The following SLC25A36 variants were observed in gnomAD, a reference collection of about 807,000 sequenced individuals.
SLC25A36 encodes epididymis secretory sperm binding protein.
SLC25A36 carries 24 observed loss-of-function variants against 35.3 expected under a neutral mutation model. The ratio of observed to expected loss-of-function variants is 0.68; its 90% CI spans 0.49 to 0.96. The LOEUF (loss-of-function observed/expected upper bound fraction) is 0.96, where lower values mean the gene tolerates loss of function less well. Among genes scored for constraint, SLC25A36 ranks in the 40% least tolerant of loss-of-function variants. The pLI is 0.00. For missense variants in SLC25A36, 294 were observed against 381.1 expected (o/e 0.77, Z 1.90); for synonymous variants, 141 against 132.2 (o/e 1.07, Z -0.46).
At chr3:140,964,154 C>T (rs1934702895) in intron 4 of SLC25A36, 1 of 151,928 alleles carries the variant, frequency 6.6e-6, no homozygotes, top group South Asian at 2.1e-4. Flanking sequence ...AACTGTTAAA[C>T]ACTTTTGGTT....
chr3:140,967,143 T>C (rs1934778725), intron 4 of SLC25A36: 6 of 444,740 alleles, frequency 1.3e-5, no homozygotes, highest in African/African-American at 1.2e-4. Context: ...TTTTATTTCC[T>C]GAATTTGTGT....
At chr3:140,962,486 C>A (rs988484374) in intron 3 of SLC25A36, among the ~76,000 whole-genome samples, 13 of 152,126 alleles carry the variant, frequency 8.5e-5, no homozygotes, top group African/African-American at 2.9e-4. Context: ...AACATTCTGA[C>A]CTGATGGGTC....
chr3:140,941,886 T>C lies in SLC25A36; in HGVS notation c.-169T>C, dbSNP rs1311722592. On this transcript the variant is annotated 5_prime_UTR_variant, in exon 1 of 7. Transcript: ENST00000324194. Reference sequence around the variant, plus strand: ...TAGGCAGGCGGTGGCGCGGCTGGAGTGCCGCGGGGAGGGCTGTGCCGGTTG... The same window carrying C: ...TAGGCAGGCGGTGGCGCGGCTGGAGCGCCGCGGGGAGGGCTGTGCCGGTTG... The C allele has an allele frequency of 1.4e-5, 7 of 499,792 alleles. No homozygotes were observed. The highest frequency in any genetic ancestry group is 2.5e-5 in the Non-Finnish European group (7 of 278,692). 31.0% of individuals were successfully genotyped at this position (499,792 alleles called of 1,614,324 possible).
intron 4 of SLC25A36, 82 bp from the exon 5 acceptor site, chr3:140,970,845 G>C: frequency 1.5e-6 from 1 of 685,350 alleles, no homozygotes; most frequent in Non-Finnish European, 2.7e-6. Flanking sequence ...CTTGAATGTA[G>C]ATTTATCTAA....
At chr3:140,965,147 C>T (rs964893498) in intron 4 of SLC25A36, 3 of 151,858 alleles carry the variant, frequency 2.0e-5, no homozygotes, top group Admixed American at 6.6e-5. Flanking sequence ...TATTCATGAG[C>T]ATTAACACTT....
At chr3:140,965,473 A>G (rs1040545090) in intron 4 of SLC25A36, 7 of 151,870 alleles carry the variant, frequency 4.6e-5, no homozygotes, top group Non-Finnish European at 8.9e-5. Context: ...CACACCAGAT[A>G]GCACACACAT....
intron 1 of SLC25A36, among the ~76,000 whole-genome samples, chr3:140,953,776 G>A (rs1473130344): frequency 1.3e-5 from 2 of 152,066 alleles, no homozygotes; most frequent in Admixed American, 6.5e-5. Flanking sequence ...GTGCAACATA[G>A]CAAGACCCTG....
At chr3:140,960,053 A>G (rs1934588043) in intron 3 of SLC25A36, among the ~76,000 whole-genome samples, 1 of 152,180 alleles carries the variant, frequency 6.6e-6, no homozygotes, top group Non-Finnish European at 1.5e-5. Context: ...ATATATCTTT[A>G]TATTGCATAG....
In SLC25A36 at chr3:140,942,848, T is replaced by G. The variant is rs1003968419; in HGVS notation, c.41+753T>G. 20 of 152,218 alleles carry G rather than the reference T, an allele frequency of 1.3e-4. 1 individual carries two copies. Among genetic ancestry groups the G allele is most frequent in the Admixed American group, 5.2e-4 (8 of 15,268 alleles). The allele number at this position is 152,218 out of a possible 1,614,324, so 9.4% of individuals were successfully genotyped here. The stretch of plus-strand genomic sequence containing the variant: ...TGCCCGAGGTTTTCCAGGTGGTGAA[T>G]GGGGTGCAAAGCTTTCCAGTACCTT... On this transcript the variant is annotated intron_variant, in intron 1 of 6. Transcript: ENST00000324194.
chr3:140,963,919 G>T (rs1252629006), intron 4 of SLC25A36: 1 of 151,924 alleles, frequency 6.6e-6, no homozygotes, highest in Non-Finnish European at 1.5e-5. Flanking sequence ...TAAACAGTTG[G>T]TTTGACCAAT....
At chr3:140,963,260 CTT>C in intron 4 of SLC25A36, 33 bp downstream of exon 4, 1 of 1,065,514 alleles carries the variant, frequency 9.4e-7, no homozygotes, top group Non-Finnish European at 1.3e-6. Context: ...AAAAAAAAAA[CTT>C]TCTGAAACCT....
intron 4 of SLC25A36, chr3:140,967,914 C>A: frequency 1.1e-6 from 1 of 889,728 alleles, no homozygotes; most frequent in East Asian, 1.2e-4. Flanking sequence ...TCACTAGGTG[C>A]TCAGAATCTT....
rs780544346 is a variant in SLC25A36 at position 140,973,701 on chromosome 3, C to A, written c.453-15C>A. 4.2e-6 allele frequency: 6 copies of A among 1,427,666 alleles called. No homozygotes were observed. The Admixed American group carries it at 9.6e-5, about 23-fold the overall frequency. The allele number at this position is 1,427,666 out of a possible 1,614,324, so 88.4% of individuals were successfully genotyped here. On this transcript the variant is annotated splice_polypyrimidine_tract_variant and intron_variant, in intron 5 of 6. Transcript: ENST00000324194. ...TAAAAAACCTATCAGTAAGATGTTT[C>A]TTTTTGCTTTTCAGGAACCGCGGGG...
intron 1 of SLC25A36, among the ~76,000 whole-genome samples, chr3:140,951,204 C>T (rs986215074): frequency 2.0e-5 from 3 of 152,124 alleles, no homozygotes; most frequent in Non-Finnish European, 2.9e-5. Context: ...CCTCTCTGTT[C>T]TTCTGGCATA....
chr3:140,976,502 G>C lies in SLC25A36; in HGVS notation c.*49G>C, dbSNP rs1935051447. 6.7e-7 allele frequency: 1 copy of C among 1,498,476 alleles called. No individual in the cohort carries two copies. Among genetic ancestry groups the C allele is most frequent in the African/African-American group, 1.4e-5 (1 of 71,376 alleles). 92.8% of individuals were successfully genotyped at this position (1,498,476 alleles called of 1,614,324 possible). On this transcript the variant is annotated 3_prime_UTR_variant, in exon 7 of 7. Coordinates refer to ENST00000324194, the MANE Select transcript of SLC25A36 (RefSeq NM_001104647.3). ...AAAAAAAGAAGACCAAAAGATTACA[G>C]TGGACCATGGGATACAGAAGCCAGC...
At chr3:140,958,778 A>G (rs1446616580) in intron 2 of SLC25A36, among the ~76,000 whole-genome samples, 1 of 152,116 alleles carries the variant, frequency 6.6e-6, no homozygotes, top group African/African-American at 2.4e-5. Context: ...ATTTGCTGGT[A>G]AAGATAGTAA....
intron 3 of SLC25A36, 117 bp from the exon 4 acceptor site, chr3:140,963,010 G>A: frequency 1.9e-6 from 1 of 540,330 alleles, no homozygotes; most frequent in Non-Finnish European, 3.0e-6. Context: ...ACATGAGAAT[G>A]TGGCTAGGAC....
At chr3:140,957,544 C>A (rs1934509031) in intron 2 of SLC25A36, among the ~76,000 whole-genome samples, 1 of 152,106 alleles carries the variant, frequency 6.6e-6, no homozygotes, top group African/African-American at 2.4e-5. Context: ...GAGTTCGAGA[C>A]CAGCCTGGCC....
At chr3:140,957,539 C>T (rs993697198) in intron 2 of SLC25A36, among the ~76,000 whole-genome samples, 2 of 152,076 alleles carry the variant, frequency 1.3e-5, no homozygotes, top group African/African-American at 4.8e-5. Flanking sequence ...GTCAGGAGTT[C>T]GAGACCAGCC....
Sources: allele counts gnomAD v4.1 joint callset (sites outside exome capture counted in the v4.1 genomes callset), GRCh38; gene constraint gnomAD v4.1.1; transcripts MANE v1.5; gene names NCBI Gene and HGNC (gene_info 2026-07-23, HGNC 2026-07-21).